Variants in NHSL2 observed in about 807,000 individuals in gnomAD.
NHSL2 encodes NHS-like protein 2.
Under a neutral mutation model 53.4 loss-of-function variants are expected in NHSL2, and 27 were observed. That is an observed-to-expected ratio of 0.51 (90% confidence interval 0.37 to 0.70). The LOEUF (loss-of-function observed/expected upper bound fraction) is 0.70. Ranked by LOEUF, NHSL2 falls within the 30% of genes least tolerant of loss-of-function variation. The probability of loss-of-function intolerance (pLI) is 0.00; values close to 1 mark genes in which losing one functional copy is unlikely to be tolerated. For missense variants in NHSL2, 892 were observed against 980.1 expected (o/e 0.91, Z 1.20); for synonymous variants, 408 against 404.1 (o/e 1.01, Z -0.12).
At chrX:72,017,078 C>T (rs770696870) in intron 1 of NHSL2, among the ~76,000 whole-genome samples, 1 of 111,329 alleles carries the variant, frequency 9.0e-6, no homozygotes, top group Non-Finnish European at 1.9e-5. Flanking sequence ...GGGTTGGGGT[C>T]CTGTGGAACT....
chrX:72,130,703 G>A (rs1337873980), intron 1 of NHSL2: 2 of 1,210,491 alleles, frequency 1.7e-6, no homozygotes, highest in Non-Finnish European at 2.2e-6. Context: ...AATTCCGACA[G>A]GCCTTTGAGG....
At chrX:72,070,377 G>A (rs1330674429) in intron 1 of NHSL2, among the ~76,000 whole-genome samples, 1 of 110,962 alleles carries the variant, frequency 9.0e-6, no homozygotes, top group Non-Finnish European at 1.9e-5. Context: ...CTACCTCTGG[G>A]TGTGCTCTGC....
chrX:71,963,899 G>A (rs1238206967), intron 1 of NHSL2, among the ~76,000 whole-genome samples: 2 of 97,963 alleles, frequency 2.0e-5, no homozygotes, highest in Non-Finnish European at 4.1e-5. Context: ...CTCTAGCCTG[G>A]GCAACAGAGT....
Position 72,138,811 on chromosome X carries a change from G to A in NHSL2, c.1263G>A (p.Gly421=). ...VNENGKNPSC[G]NSWVSLNKVP... is the part of the protein sequence containing the mutation. ...AAAATGGGAAAAATCCTTCCTGTGG[G>A]AATTCTTGGGTCTCTCTAAACAAAG... is the stretch of plus-strand genomic sequence containing the variant. Residue 421 remains glycine, a synonymous_variant, in exon 6 of 8, where the codon GGG becomes GGA. Transcript: ENST00000633930. The A allele has an allele frequency of 8.3e-7, 1 of 1,210,917 alleles. No individual in the cohort carries two copies. The highest frequency in any genetic ancestry group is 1.1e-6 in the Non-Finnish European group (1 of 894,828).
intron 1 of NHSL2, among the ~76,000 whole-genome samples, chrX:71,982,547 C>T (rs1025507749): frequency 8.9e-6 from 1 of 111,977 alleles, no homozygotes; most frequent in Non-Finnish European, 1.9e-5. Context: ...AGGGTTGGGA[C>T]TTTCAGCCCA....
intron 1 of NHSL2, among the ~76,000 whole-genome samples, chrX:71,964,848 T>C (rs1449750634): frequency 1.8e-5 from 2 of 112,658 alleles, no homozygotes; most frequent in Non-Finnish European, 3.7e-5. Flanking sequence ...ACAGAATTTT[T>C]AATTTTAATG....
In NHSL2 at chrX:71,913,962, G is replaced by A. The variant is rs762518748; in HGVS notation, c.280+2595G>A. ...TCTTCAAGGTTACAGGGGTGGACTG[G>A]GCTAGGCTAGTTGCCTCGCAACATC... On this transcript the variant is annotated intron_variant, in intron 1 of 7. Coordinates refer to ENST00000633930, the MANE Select transcript of NHSL2 (RefSeq NM_001013627.3). 2.7e-5 allele frequency among the ~76,000 whole-genome samples: 3 copies of A among 112,839 alleles called. No homozygotes were observed. The East Asian group carries it at 8.3e-4, about 31-fold the overall frequency.
At chrX:71,968,686 ATCT>A (rs895962185) in intron 1 of NHSL2, among the ~76,000 whole-genome samples, 1 of 112,040 alleles carries the variant, frequency 8.9e-6, no homozygotes, top group Admixed American at 9.5e-5. Context: ...TTAGTCTATA[ATCT>A]TCTTTAATTT....
chrX:72,040,150 T>C (rs1287936366), intron 1 of NHSL2, among the ~76,000 whole-genome samples: 1 of 112,100 alleles, frequency 8.9e-6, no homozygotes. Context: ...TGGGGTTTTG[T>C]TGACCATCCT....
At chrX:72,084,375 T>C (rs962379738) in intron 1 of NHSL2, among the ~76,000 whole-genome samples, 7 of 112,077 alleles carry the variant, frequency 6.2e-5, no homozygotes, top group African/African-American at 2.3e-4. Flanking sequence ...GGGAAGTTTA[T>C]TGGGGTACTG....
chrX:72,144,572 G>C lies in NHSL2; in HGVS notation c.*998G>C. On this transcript the variant is annotated 3_prime_UTR_variant, in exon 8 of 8. Coordinates refer to ENST00000633930, the MANE Select transcript of NHSL2 (RefSeq NM_001013627.3). ...ATCTTGCCCCCCACCAGTCAATTCA[G>C]ATCGTGGTTTGTGGTTGGTTTGGTT... 1 of 1,021,266 alleles carries C rather than the reference G, an allele frequency of 9.8e-7. No homozygotes were observed. Among genetic ancestry groups the C allele is most frequent in the South Asian group, 1.8e-5 (1 of 54,407 alleles). 84.2% of individuals were successfully genotyped at this position (1,021,266 alleles called of 1,213,427 possible).
intron 1 of NHSL2, among the ~76,000 whole-genome samples, chrX:71,924,562 T>C (rs1181523907): frequency 8.9e-6 from 1 of 112,170 alleles, no homozygotes; most frequent in African/African-American, 3.2e-5. Context: ...AACTGGAAGC[T>C]AGAAGTTAGA....
At chrX:72,078,495 A>C (rs1189109159) in intron 1 of NHSL2, among the ~76,000 whole-genome samples, 1 of 111,431 alleles carries the variant, frequency 9.0e-6, no homozygotes, top group African/African-American at 3.3e-5. Flanking sequence ...CCTGACAAAC[A>C]TCTGACTCCC....
chrX:72,082,955 C>T (rs888239774), intron 1 of NHSL2, among the ~76,000 whole-genome samples: 13 of 112,289 alleles, frequency 1.2e-4, no homozygotes, highest in African/African-American at 3.9e-4. Context: ...ATGAACTATA[C>T]TATTGTTTTT....
intron 1 of NHSL2, among the ~76,000 whole-genome samples, chrX:71,921,255 CTAA>C (rs1420445375): frequency 9.2e-6 from 1 of 108,195 alleles, no homozygotes; most frequent in East Asian, 3.0e-4. Context: ...TCCGTCTCTA[CTAA>C]TAATACAAAA....
Position 72,147,561 on chromosome X carries a change from G to A in NHSL2, c.*3987G>A, listed in dbSNP as rs1259203198. The A allele has an allele frequency of 1.8e-4, 20 of 111,637 alleles. No homozygotes were observed. The highest frequency in any genetic ancestry group is 1.4e-3 in the Admixed American group (15 of 10,546). 9.2% of individuals were successfully genotyped at this position (111,637 alleles called of 1,213,427 possible). On this transcript the variant is annotated 3_prime_UTR_variant, in exon 8 of 8. Coordinates refer to ENST00000633930, the MANE Select transcript of NHSL2 (RefSeq NM_001013627.3). ...AAGAATCTTTAATAGTGTTAATATCGGAAAACATAGTTGATTTCTAAGTAA... is the reference window on the plus strand; with the variant it reads ...AAGAATCTTTAATAGTGTTAATATCAGAAAACATAGTTGATTTCTAAGTAA...
intron 1 of NHSL2, chrX:72,069,616 GGAGGAGGAGGAGAAA>G: frequency 1.2e-6 from 1 of 825,351 alleles, no homozygotes; most frequent in Non-Finnish European, 1.5e-6. Context: ...AGGAGTAGGA[GGAGGAGGAGGAGAAA>G]GAGGAGGAGG....
At chrX:72,076,493 C>G (rs1000198084) in intron 1 of NHSL2, among the ~76,000 whole-genome samples, 7 of 111,712 alleles carry the variant, frequency 6.3e-5, no homozygotes, top group African/African-American at 2.3e-4. Flanking sequence ...TCTTTCCCCA[C>G]CACTGCCACC....
chrX:72,090,656 C>CT (rs1223864478), intron 1 of NHSL2, among the ~76,000 whole-genome samples: 1 of 110,801 alleles, frequency 9.0e-6, no homozygotes, highest in Non-Finnish European at 1.9e-5. Context: ...AGTCATTCTC[C>CT]TGCCTACCCC....
Sources: allele counts gnomAD v4.1 joint callset (sites outside exome capture counted in the v4.1 genomes callset), GRCh38; gene constraint gnomAD v4.1.1; transcripts MANE v1.5; gene names NCBI Gene and HGNC (gene_info 2026-07-23, HGNC 2026-07-21).